The following VPS13A variants were observed in gnomAD, a reference collection of about 807,000 sequenced individuals.
The protein encoded by VPS13A is intermembrane lipid transfer protein VPS13A.
A neutral mutation model predicts 390.9 loss-of-function variants in VPS13A; 264 were observed. The ratio of observed to expected loss-of-function variants is 0.68; its 90% CI spans 0.61 to 0.75. VPS13A has a LOEUF of 0.75. Ranked by LOEUF, VPS13A falls within the 30% of genes least tolerant of loss-of-function variation. The pLI, the probability that VPS13A is intolerant of heterozygous loss-of-function variation, is 0.00. For missense variants in VPS13A, 3,409 were observed against 3,733.9 expected (o/e 0.91, Z 2.27); for synonymous variants, 1,231 against 1,227.1 (o/e 1.00, Z -0.07).
At chr9:77,190,977 T>C (rs1824645439) in intron 1 of VPS13A, among the ~76,000 whole-genome samples, 1 of 152,166 alleles carries the variant, frequency 6.6e-6, no homozygotes, top group African/African-American at 2.4e-5. Context: ...TTTTTTTCTT[T>C]GTTAGTCTGG....
chr9:77,334,735 A>G (rs1244635456), intron 46 of VPS13A, among the ~76,000 whole-genome samples: 2 of 152,200 alleles, frequency 1.3e-5, no homozygotes, highest in Non-Finnish European at 2.9e-5. Context: ...TAAACTGGAT[A>G]AGTGTATTAC....
chr9:77,265,112 A>G (rs1025508905), intron 23 of VPS13A, among the ~76,000 whole-genome samples: 7 of 152,212 alleles, frequency 4.6e-5, no homozygotes, highest in Non-Finnish European at 8.8e-5. Flanking sequence ...TGATTTGCAT[A>G]TGTTGAACCA....
At chr9:77,325,365 C>A (rs1003310796) in intron 45 of VPS13A, among the ~76,000 whole-genome samples, 1 of 150,808 alleles carries the variant, frequency 6.6e-6, no homozygotes, top group Non-Finnish European at 1.5e-5. Flanking sequence ...GTATATTTAA[C>A]GTGGGGTTTC....
intron 51 of VPS13A, 54 bp downstream of exon 51, chr9:77,344,335 AC>A: frequency 6.4e-7 from 1 of 1,551,988 alleles, no homozygotes. Flanking sequence ...AAATATACTG[AC>A]TAGTATTGTA....
In VPS13A at chr9:77,346,310, A is replaced by G. The variant is rs184307652; in HGVS notation, c.7289+1168A>G. Among the ~76,000 whole-genome samples the G allele has an allele frequency of 5.3e-5, 8 of 152,062 alleles. No homozygotes were observed. In the East Asian group the frequency reaches 1.5e-3, roughly 29 times the overall value. ...TTATATGTTTCTTGGCCACTTGTAT[A>G]TCTTCTTTTGAGAATTGTCTATTCA... On this transcript the variant is annotated intron_variant, in intron 52 of 71. Transcript: ENST00000360280.
chr9:77,252,642 C>A (rs1825209274), intron 22 of VPS13A, among the ~76,000 whole-genome samples: 1 of 152,138 alleles, frequency 6.6e-6, no homozygotes. Context: ...CAATAACACC[C>A]CATTTCACCC....
At chr9:77,181,156 T>C (rs1823992726) in intron 1 of VPS13A, among the ~76,000 whole-genome samples, 1 of 152,202 alleles carries the variant, frequency 6.6e-6, no homozygotes, top group African/African-American at 2.4e-5. Flanking sequence ...AAAATATTCT[T>C]TGAGAATTTC....
Position 77,214,460 on chromosome 9 carries a change from C to G in VPS13A, c.754+74C>G, listed in dbSNP as rs1822737820. The G allele has an allele frequency of 3.9e-5, 48 of 1,224,484 alleles. 1 individual carries two copies. The South Asian group carries it at 5.4e-4, about 14-fold the overall frequency. The allele number at this position is 1,224,484 out of a possible 1,614,324, so 75.9% of individuals were successfully genotyped here. ...AATTTTAAATTAGCATTGTTGCTAT[C>G]ACTGTGCTAGTTCCTGTTAAATTTC... is the stretch of plus-strand genomic sequence containing the variant. On this transcript the variant is annotated intron_variant, in intron 10 of 71. Coordinates refer to ENST00000360280, the MANE Select transcript of VPS13A (RefSeq NM_033305.3).
chr9:77,190,043 A>G (rs1245391903), intron 1 of VPS13A, among the ~76,000 whole-genome samples: 24 of 152,214 alleles, frequency 1.6e-4, no homozygotes, highest in Non-Finnish European at 1.5e-5. Flanking sequence ...ACCGTCTGCA[A>G]ACAGGGATGA....
chr9:77,416,871 A>G lies in VPS13A; in HGVS notation c.*865A>G, dbSNP rs1052940854. 1 of 152,608 alleles carries G rather than the reference A, an allele frequency of 6.6e-6. No individual in the cohort carries two copies. Among genetic ancestry groups the G allele is most frequent in the Admixed American group, 6.5e-5 (1 of 15,268 alleles). 9.5% of individuals were successfully genotyped at this position (152,608 alleles called of 1,614,324 possible). ...ATAAACACAATTCCCAACATCTTAG[A>G]TAGTGTATTATGCTTCCAACAGACA... On this transcript the variant is annotated 3_prime_UTR_variant, in exon 72 of 72. Transcript: ENST00000360280.
chr9:77,285,272 A>G (rs928527701), intron 31 of VPS13A, among the ~76,000 whole-genome samples: 2 of 152,108 alleles, frequency 1.3e-5, no homozygotes, highest in African/African-American at 2.4e-5. Flanking sequence ...AGCGATATAT[A>G]TTATTGTGCC....
intron 17 of VPS13A, among the ~76,000 whole-genome samples, chr9:77,233,344 A>G (rs1823947529): frequency 6.6e-6 from 1 of 152,014 alleles, no homozygotes; most frequent in Non-Finnish European, 1.5e-5. Context: ...AACCTTTTCA[A>G]AGTGGCAACT....
intron 44 of VPS13A, among the ~76,000 whole-genome samples, chr9:77,322,047 T>C (rs1396485064): frequency 6.6e-6 from 1 of 152,014 alleles, no homozygotes; most frequent in Non-Finnish European, 1.5e-5. Context: ...TCTGCTTTTA[T>C]AGACCGTGGA....
At chr9:77,368,963 A>G (rs909050825) in intron 62 of VPS13A, among the ~76,000 whole-genome samples, 7 of 152,084 alleles carry the variant, frequency 4.6e-5, no homozygotes, top group Non-Finnish European at 1.0e-4. Context: ...GCGAAACCCC[A>G]TCTCTACTAA....
intron 6 of VPS13A, 28 bp downstream of exon 6, chr9:77,209,560 TTTTATA>T: frequency 1.4e-6 from 2 of 1,383,446 alleles, no homozygotes; most frequent in Non-Finnish European, 2.0e-6. Flanking sequence ...TGATATTTGT[TTTTATA>T]TTTATATGTA....
chr9:77,260,338 A>T (rs893495691), intron 23 of VPS13A, 114 bp downstream of exon 23: 55 of 970,424 alleles, frequency 5.7e-5, no homozygotes, highest in Admixed American at 1.4e-4. Flanking sequence ...TTGAATAGAC[A>T]TTAAGAAAAT....
intron 45 of VPS13A, 30 bp from the exon 46 acceptor site, chr9:77,331,980 T>C (rs1384965732): frequency 5.6e-6 from 8 of 1,431,478 alleles, no homozygotes; most frequent in African/African-American, 1.4e-5. Flanking sequence ...AGATTAATGA[T>C]ACTAAATATT....
intron 1 of VPS13A, among the ~76,000 whole-genome samples, chr9:77,178,516 G>A (rs1244100413): frequency 6.6e-6 from 1 of 152,160 alleles, no homozygotes; most frequent in African/African-American, 2.4e-5. Flanking sequence ...AAGACTTTAG[G>A]ATATGTGGGT....
In VPS13A at chr9:77,206,085, G is replaced by A. The variant is rs774023870; in HGVS notation, c.385+6G>A. On this transcript the variant is annotated splice_donor_region_variant and intron_variant, in intron 5 of 71. Coordinates refer to ENST00000360280, the MANE Select transcript of VPS13A (RefSeq NM_033305.3). ...ACAAAAAGTAGTTGATCAAGGTAAA[G>A]AAAACAGTAAATAACAATGCTAATA... is the stretch of plus-strand genomic sequence containing the variant. 1 of 1,521,650 alleles carries A rather than the reference G, an allele frequency of 6.6e-7. No homozygotes were observed. The allele number at this position is 1,521,650 out of a possible 1,614,324, so 94.3% of individuals were successfully genotyped here. A position where few individuals can be genotyped will look rare whatever the true frequency, so the allele number is the denominator to read the frequency against.
Sources: gnomAD v4.1 joint callset for allele counts (sites outside exome capture counted in the v4.1 genomes callset) on GRCh38, gnomAD v4.1.1 for gene constraint, MANE v1.5 for transcripts, NCBI Gene and HGNC (gene_info 2026-07-23, HGNC 2026-07-21) for gene names.